The following GMDS variants were observed in gnomAD, a reference collection of about 807,000 sequenced individuals.
GMDS encodes GDP-mannose 4,6 dehydratase.
GMDS carries 20 observed loss-of-function variants against 49.9 expected under a neutral mutation model. The observed-to-expected ratio is 0.40, with a 90% CI of 0.28 to 0.58. The LOEUF (loss-of-function observed/expected upper bound fraction) is 0.58. GMDS is among the 20% of genes least tolerant of loss of function. The pLI is 0.42. For synonymous variants in GMDS, 177 were observed against 178.6 expected (o/e 0.99, Z 0.07); for missense variants, 362 against 481.4 (o/e 0.75, Z 2.32).
At chr6:1,845,470 C>T (rs1322197232) in intron 7 of GMDS, among the ~76,000 whole-genome samples, 3 of 152,240 alleles carry the variant, frequency 2.0e-5, no homozygotes, top group African/African-American at 4.8e-5. Context: ...TTTTATTAGC[C>T]AACCACTTCA....
Position 2,245,363 on chromosome 6 carries a change from G to A in GMDS, c.60C>T (p.Gly20=), listed in dbSNP as rs769408362. 1.3e-5 allele frequency: 20 copies of A among 1,552,116 alleles called. No homozygotes were observed. The South Asian group carries it at 2.2e-4, about 17-fold the overall frequency. The change falls in exon 1 of 11, where the codon GGC becomes GGT. Residue 20 remains glycine (G), a synonymous_variant. Coordinates refer to ENST00000380815, the MANE Select transcript of GMDS (RefSeq NM_001500.4). ...TGATGAGCGCCACGTTCCTGGGCTT[G>A]CCCATCTCGCCGTCCCCGGAGCCCC... ...SARGSGDGEM[G]KPRNVALITG... is the part of the protein sequence containing the mutation.
chr6:1,803,132 C>T (rs1265998973), intron 7 of GMDS, among the ~76,000 whole-genome samples: 2 of 152,160 alleles, frequency 1.3e-5, no homozygotes, highest in African/African-American at 4.8e-5. Context: ...CGACATAACT[C>T]ATAGTGTTAT....
intron 1 of GMDS, among the ~76,000 whole-genome samples, chr6:2,128,151 A>G (rs1440367840): frequency 1.3e-5 from 2 of 149,660 alleles, no homozygotes; most frequent in African/African-American, 2.5e-5. Flanking sequence ...TGGCTTTAAC[A>G]TTTTCAAGAC....
intron 4 of GMDS, among the ~76,000 whole-genome samples, chr6:1,988,961 G>A (rs981273020): frequency 6.6e-6 from 1 of 152,304 alleles, no homozygotes; most frequent in African/African-American, 2.4e-5. Context: ...GAGCAGAAAG[G>A]CTGGCCCTCT....
At chr6:1,669,661 C>T (rs944763550) in intron 9 of GMDS, among the ~76,000 whole-genome samples, 9 of 152,056 alleles carry the variant, frequency 5.9e-5, no homozygotes, top group African/African-American at 1.9e-4. Context: ...GCCTGTAATC[C>T]CAGCACTTTG....
chr6:1,667,725 AC>A (rs1416697360), intron 9 of GMDS, among the ~76,000 whole-genome samples: 1 of 150,780 alleles, frequency 6.6e-6, no homozygotes, highest in Non-Finnish European at 1.5e-5. Context: ...GGTCTGAGAC[AC>A]TTTTGTATTG....
At chr6:2,064,902 T>C (rs950851567) in intron 4 of GMDS, among the ~76,000 whole-genome samples, 2 of 152,140 alleles carry the variant, frequency 1.3e-5, no homozygotes, top group African/African-American at 2.4e-5. Context: ...ATAGTACTGT[T>C]ATGGATAAGG....
At position 1,886,014 on chromosome 6, in the gene GMDS, T is replaced by C. The variant is rs17177859; in HGVS notation, c.771+44089A>G. 8.8e-3 allele frequency among the ~76,000 whole-genome samples: 1,333 copies of C among 152,336 alleles called. 6 individuals are homozygous for C. The highest frequency in any genetic ancestry group is 0.015 in the Non-Finnish European group (1,007 of 68,022). ...CTGAGCCGGGAATCACAGCATGCTA[T>C]TCAATCTGAATGTTTCTGTAATTCA... On this transcript the variant is annotated intron_variant, in intron 7 of 10. Transcript: ENST00000380815.
chr6:2,173,458 AAGG>A (rs1355549505), intron 1 of GMDS, among the ~76,000 whole-genome samples: 1 of 152,218 alleles, frequency 6.6e-6, no homozygotes, highest in Non-Finnish European at 1.5e-5. Flanking sequence ...GCATGGAGGG[AAGG>A]AGGGCAGCAA....
intron 7 of GMDS, among the ~76,000 whole-genome samples, chr6:1,791,592 A>G (rs1300433572): frequency 3.9e-5 from 6 of 152,332 alleles, no homozygotes; most frequent in African/African-American, 1.4e-4. Flanking sequence ...TTGGGGAGAC[A>G]CAATTCAGTC....
At position 2,158,271 on chromosome 6, in the gene GMDS, A is replaced by G. The variant is rs1034224233; in HGVS notation, c.103-33540T>C. On this transcript the variant is annotated intron_variant, in intron 1 of 10. Transcript: ENST00000380815. ...TTTAAAAACAATAGCAAAATAAAAC[A>G]TATGTACGCATAAGGGAAACAGAAT... is the stretch of plus-strand genomic sequence containing the variant. Among the ~76,000 whole-genome samples the G allele has an allele frequency of 4.3e-4, 66 of 152,200 alleles. 1 individual carries two copies. Among genetic ancestry groups the G allele is most frequent in the Non-Finnish European group, 8.8e-5 (6 of 68,044 alleles).
At chr6:1,980,559 T>TA (rs1448806598) in intron 4 of GMDS, among the ~76,000 whole-genome samples, 1 of 152,114 alleles carries the variant, frequency 6.6e-6, no homozygotes, top group Non-Finnish European at 1.5e-5. Flanking sequence ...AGCAAGTTCT[T>TA]AGAGACCTTC....
intron 7 of GMDS, among the ~76,000 whole-genome samples, chr6:1,840,537 C>T (rs142549630): frequency 5.3e-4 from 80 of 152,284 alleles, no homozygotes; most frequent in African/African-American, 1.9e-3. Flanking sequence ...ATCCAGCCCC[C>T]ACACTATACC....
intron 8 of GMDS, among the ~76,000 whole-genome samples, chr6:1,734,907 G>A (rs568894714): frequency 2.5e-4 from 38 of 152,280 alleles, no homozygotes; most frequent in Non-Finnish European, 4.4e-4. Flanking sequence ...GGCTCTCCTC[G>A]GCTGTGAAAA....
At chr6:1,974,196 T>C (rs1041336268) in intron 4 of GMDS, among the ~76,000 whole-genome samples, 2 of 151,194 alleles carry the variant, frequency 1.3e-5, no homozygotes, top group African/African-American at 4.9e-5. Context: ...AGAGCCTTTT[T>C]AAAATAAGTA....
chr6:1,633,504 G>A (rs139154389), intron 9 of GMDS, among the ~76,000 whole-genome samples: 6 of 152,312 alleles, frequency 3.9e-5, no homozygotes, highest in African/African-American at 9.6e-5. Context: ...GCTGATGGGA[G>A]TGCGAGGGAG....
intron 9 of GMDS, among the ~76,000 whole-genome samples, chr6:1,626,838 A>G (rs774977064): frequency 2.5e-4 from 38 of 152,266 alleles, no homozygotes; most frequent in Non-Finnish European, 4.0e-4. Context: ...CAACCAGGGA[A>G]CTACAATTAA....
At chr6:1,802,413 A>G (rs1474241822) in intron 7 of GMDS, among the ~76,000 whole-genome samples, 5 of 152,272 alleles carry the variant, frequency 3.3e-5, no homozygotes, top group Non-Finnish European at 7.3e-5. Context: ...CTAATAAGGC[A>G]GGAAGTATAT....
chr6:1,786,690 C>A (rs1039784830), intron 7 of GMDS, among the ~76,000 whole-genome samples: 11 of 152,210 alleles, frequency 7.2e-5, no homozygotes. Context: ...GCTGCCCACA[C>A]TCCCAGGAGC....
Sources: gnomAD v4.1 joint callset for allele counts (sites outside exome capture counted in the v4.1 genomes callset) on GRCh38, gnomAD v4.1.1 for gene constraint, MANE v1.5 for transcripts, NCBI Gene and HGNC (gene_info 2026-07-23, HGNC 2026-07-21) for gene names.